The following KLHL29 variants were observed in gnomAD, a reference collection of about 807,000 sequenced individuals.
KLHL29 encodes kelch like family member 29.
In KLHL29, 21 loss-of-function variants were observed where a neutral mutation model predicts 80.4. The ratio of observed to expected loss-of-function variants is 0.26; its 90% CI spans 0.19 to 0.38. The LOEUF is 0.38. Ranked by LOEUF, KLHL29 falls within the 10% of genes least tolerant of loss-of-function variation. The probability of loss-of-function intolerance (pLI) is 1.00; values close to 1 mark genes in which losing one functional copy is unlikely to be tolerated. For synonymous variants in KLHL29, 511 were observed against 526.8 expected, an observed-to-expected ratio of 0.97 and a Z score of 0.41; for missense variants, 867 against 1,223.9, an observed-to-expected ratio of 0.71 and a Z score of 4.35.
intron 2 of KLHL29, among the ~76,000 whole-genome samples, chr2:23,482,392 T>A (rs1272648684): frequency 6.6e-6 from 1 of 152,218 alleles, no homozygotes; most frequent in African/African-American, 2.4e-5. Context: ...CAGTGGTGAG[T>A]TTGTGTCCTC....
intron 3 of KLHL29, among the ~76,000 whole-genome samples, chr2:23,602,580 C>G (rs1044231445): frequency 6.6e-6 from 1 of 151,322 alleles, no homozygotes; most frequent in African/African-American, 2.4e-5. Flanking sequence ...CCCTCCTACC[C>G]AAGGGACAGC....
At chr2:23,434,347 C>G (rs1377650211) in intron 1 of KLHL29, among the ~76,000 whole-genome samples, 34 of 113,140 alleles carry the variant, frequency 3.0e-4, no homozygotes, top group Admixed American at 2.6e-3. Context: ...AAAAAAAAAG[C>G]TAGGCTCCGT....
intron 2 of KLHL29, among the ~76,000 whole-genome samples, chr2:23,554,414 C>T (rs1289235064): frequency 2.0e-5 from 3 of 152,226 alleles, no homozygotes; most frequent in African/African-American, 7.2e-5. Flanking sequence ...ACCTCGGCTT[C>T]CCTATCTGGA....
At chr2:23,586,280 A>T (rs1204489922) in intron 3 of KLHL29, among the ~76,000 whole-genome samples, 1 of 151,958 alleles carries the variant, frequency 6.6e-6, no homozygotes, top group Non-Finnish European at 1.5e-5. Flanking sequence ...ATCTAGTTCC[A>T]GAATGTCTTT....
intron 3 of KLHL29, among the ~76,000 whole-genome samples, chr2:23,625,205 C>A (rs1330696664): frequency 2.6e-5 from 4 of 152,228 alleles, no homozygotes; most frequent in African/African-American, 9.6e-5. Flanking sequence ...CCTGGGAAGC[C>A]ACATGGTCTG....
intron 6 of KLHL29, among the ~76,000 whole-genome samples, chr2:23,686,822 C>A (rs534163771): frequency 1.3e-5 from 2 of 152,102 alleles, no homozygotes; most frequent in African/African-American, 4.8e-5. Flanking sequence ...ACAGTAAGGT[C>A]ACACAGGAAA....
At chr2:23,567,254 A>G (rs902044910) in intron 3 of KLHL29, among the ~76,000 whole-genome samples, 2 of 152,250 alleles carry the variant, frequency 1.3e-5, no homozygotes, top group Non-Finnish European at 2.9e-5. Flanking sequence ...TGTTCCTGAA[A>G]GAATGGACTC....
intron 3 of KLHL29, among the ~76,000 whole-genome samples, chr2:23,574,350 G>T (rs778953024): frequency 3.9e-5 from 6 of 152,150 alleles, no homozygotes; most frequent in Non-Finnish European, 8.8e-5. Flanking sequence ...TACTTGACCG[G>T]CTGAATGACT....
At chr2:23,451,390 C>T (rs985117827) in intron 1 of KLHL29, among the ~76,000 whole-genome samples, 3 of 152,182 alleles carry the variant, frequency 2.0e-5, no homozygotes, top group Non-Finnish European at 4.4e-5. Flanking sequence ...GTTTGGGGAG[C>T]CTTGCTTGTT....
At chr2:23,662,395 C>T (rs1199806011) in intron 5 of KLHL29, among the ~76,000 whole-genome samples, 1 of 152,198 alleles carries the variant, frequency 6.6e-6, no homozygotes, top group Non-Finnish European at 1.5e-5. Context: ...ATCAAGTGTT[C>T]CTCTTTCTCC....
chr2:23,397,276 C>G (rs530955570), intron 1 of KLHL29, among the ~76,000 whole-genome samples: 14 of 152,350 alleles, frequency 9.2e-5, no homozygotes, highest in African/African-American at 3.1e-4. Context: ...CTGGCCCTTG[C>G]CCCTCCCCAC....
intron 2 of KLHL29, among the ~76,000 whole-genome samples, chr2:23,505,041 A>G (rs1162052420): frequency 6.6e-6 from 1 of 152,208 alleles, no homozygotes; most frequent in Non-Finnish European, 1.5e-5. Context: ...CCCGCTGGGA[A>G]CAAAACCCTT....
intron 8 of KLHL29, among the ~76,000 whole-genome samples, chr2:23,694,718 T>C (rs1671840494): frequency 6.6e-6 from 1 of 152,170 alleles, no homozygotes; most frequent in Non-Finnish European, 1.5e-5. Context: ...CTCTGACGCC[T>C]CTACACGGGC....
chr2:23,473,960 G>C (rs192587709), intron 1 of KLHL29, among the ~76,000 whole-genome samples: 2 of 152,054 alleles, frequency 1.3e-5, no homozygotes, highest in African/African-American at 4.8e-5. Flanking sequence ...TCATCTTGAA[G>C]TGTGTGCTCA....
intron 1 of KLHL29, among the ~76,000 whole-genome samples, chr2:23,399,089 A>G (rs1666527028): frequency 6.6e-6 from 1 of 152,224 alleles, no homozygotes. Context: ...CAAGAAGATC[A>G]CCATTGCTGA....
intron 1 of KLHL29, among the ~76,000 whole-genome samples, chr2:23,448,577 A>C (rs916723595): frequency 2.0e-5 from 3 of 152,212 alleles, no homozygotes; most frequent in African/African-American, 7.2e-5. Flanking sequence ...AGGACACTGC[A>C]TGGCTGGACC....
At chr2:23,428,916 T>C (rs999908489) in intron 1 of KLHL29, among the ~76,000 whole-genome samples, 13 of 152,200 alleles carry the variant, frequency 8.5e-5, no homozygotes, top group African/African-American at 3.1e-4. Flanking sequence ...TATAGAAAGT[T>C]CTACACCACA....
At chr2:23,663,900 T>C (rs1670486429) in intron 5 of KLHL29, among the ~76,000 whole-genome samples, 1 of 152,218 alleles carries the variant, frequency 6.6e-6, no homozygotes, top group Non-Finnish European at 1.5e-5. Context: ...TTTACTATGA[T>C]CTATTGTGTT....
intron 2 of KLHL29, among the ~76,000 whole-genome samples, chr2:23,535,998 T>C (rs1209238011): frequency 6.6e-6 from 1 of 152,104 alleles, no homozygotes; most frequent in African/African-American, 2.4e-5. Flanking sequence ...CCCCTTAAAT[T>C]TCAACATTTT....
Sources: allele counts gnomAD v4.1 joint callset (sites outside exome capture counted in the v4.1 genomes callset), GRCh38; gene constraint gnomAD v4.1.1; transcripts MANE v1.5; gene names NCBI Gene and HGNC (gene_info 2026-07-23, HGNC 2026-07-21).